Variants in FADS3 observed in about 807,000 individuals in gnomAD.
FADS3 encodes the protein cytochrome b5-related protein.
A neutral mutation model predicts 60.4 loss-of-function variants in FADS3; 30 were observed. That is an observed-to-expected ratio of 0.50 (90% CI 0.37 to 0.67). FADS3 has a LOEUF of 0.67. Ranked by LOEUF, FADS3 falls within the 30% of genes least tolerant of loss-of-function variation. The pLI is 0.00. For missense variants in FADS3, 432 were observed against 598.3 expected (o/e 0.72, Z 2.90); for synonymous variants, 234 against 249.3 (o/e 0.94, Z 0.58).
At position 61,873,856 on chromosome 11, in the gene FADS3, C is replaced by A; in HGVS notation, c.1296G>T (p.Lys432Asn). 1.3e-6 allele frequency: 2 copies of A among 1,592,636 alleles called. No individual in the cohort carries two copies. Among genetic ancestry groups the A allele is most frequent in the East Asian group, 2.3e-5 (1 of 43,946 alleles). The change falls in exon 12 of 12, where the codon AAG becomes AAT. Residue 432 changes from lysine (K) to asparagine (N), a missense_variant. Around this residue, in one of 5 missense-constraint regions of FADS3, gnomAD observed 63 missense variants for 64.5 expected, o/e 0.98. Coordinates refer to ENST00000278829, the MANE Select transcript of FADS3 (RefSeq NM_021727.5). ...CGTCCAGCCAGATGTCACCAGACTTCTTCAGGGACCTGGGAGGTGGGGGTG... is the reference window on the plus strand; with the variant it reads ...CGTCCAGCCAGATGTCACCAGACTTATTCAGGGACCTGGGAGGTGGGGGTG... ...TALVDIVRSL[K>N]KSGDIWLDAY...
At chr11:61,873,889 G>T in intron 11 of FADS3, 24 bp from the exon 12 acceptor site, 1 of 1,549,212 alleles carries the variant, frequency 6.5e-7, no homozygotes, top group Non-Finnish European at 8.9e-7. Flanking sequence ...GTGGCAGTGG[G>T]GGTGGGTGTT....
At chr11:61,884,321 C>T (rs1409787504) in intron 1 of FADS3, among the ~76,000 whole-genome samples, 1 of 151,920 alleles carries the variant, frequency 6.6e-6, no homozygotes, top group Non-Finnish European at 1.5e-5. Context: ...GGGTGAGGGG[C>T]AAGGGGAGGG....
Position 61,877,363 on chromosome 11 carries a change from G to C in FADS3, c.885+148C>G. The C allele has an allele frequency of 1.4e-6, 1 of 711,676 alleles. No individual in the cohort carries two copies. Among genetic ancestry groups the C allele is most frequent in the South Asian group, 1.7e-5 (1 of 59,190 alleles). 44.1% of individuals were successfully genotyped at this position (711,676 alleles called of 1,614,324 possible). ...GCTCTCCTGCTGCGCGCACACATGT[G>C]AGCCACACTGTTGCACGCATACATG... On this transcript the variant is annotated intron_variant, in intron 7 of 11. Transcript: ENST00000278829. The surrounding 1 kb of genome is among the most constrained non-coding windows in gnomAD (Gnocchi z 4.7).
intron 1 of FADS3, chr11:61,880,832 C>A (rs549521350): frequency 6.6e-6 from 1 of 152,212 alleles, no homozygotes; most frequent in South Asian, 2.1e-4. Flanking sequence ...TCATTGCAAC[C>A]TCTACCTCCT....
In FADS3 at chr11:61,876,172, C is replaced by T. The variant is rs1035734117; in HGVS notation, c.1099G>A (p.Val367Met). 20 of 1,604,188 alleles carry T rather than the reference C, an allele frequency of 1.2e-5. No homozygotes were observed. Among genetic ancestry groups the T allele is most frequent in the East Asian group, 2.2e-5 (1 of 44,462 alleles). ...CAGTTGGTGAAAAGTGAGGGCTCCA[C>T]GTTGCAGGTGGCTGCCAGCTGCCGG... is the stretch of plus-strand genomic sequence containing the variant. Reference protein sequence around the residue: ...VSSQLAATCNVEPSLFTNWFS... With the variant: ...VSSQLAATCNMEPSLFTNWFS... The change falls in exon 10 of 12, where the codon GTG becomes ATG. Residue 367 changes from valine (V) to methionine (M), a missense_variant. By Grantham distance (21) the Val-to-Met change is conservative. Transcript: ENST00000278829. This position sits in a 1 kb window ranked among gnomAD's most constrained non-coding sequence, Gnocchi z 5.7.
Position 61,879,491 on chromosome 11 carries a change from A to G in FADS3, c.343T>C (p.Phe115Leu). The change falls in exon 3 of 12, where the codon TTC (phenylalanine) becomes CTC (leucine). Residue 115 changes from phenylalanine (F) to leucine (L), a missense_variant. Transcript: ENST00000278829. ...TCGGCTGCCTGGTGCAGGGCTCGGA[A>G]GTCCTCGACCAGCTGCGCCTGCCAT... ...GPLNAQLVED[F>L]RALHQAAEDM... The G allele has an allele frequency of 6.3e-7, 1 of 1,589,894 alleles. No homozygotes were observed. Among genetic ancestry groups the G allele is most frequent in the Non-Finnish European group, 8.5e-7 (1 of 1,170,704 alleles).
rs1938352098 is a variant in FADS3 at position 61,887,349 on chromosome 11, G to T, written c.213+3820C>A. The stretch of plus-strand genomic sequence containing the variant: ...CTACCTCTTCTGAGTGGCCTCCCTT[G>T]GGGGAGGGCAGGTCTCCATCCTCCC... On this transcript the variant is annotated intron_variant, in intron 1 of 11. Transcript: ENST00000278829. Among the ~76,000 whole-genome samples the T allele has an allele frequency of 3.3e-5, 5 of 152,242 alleles. No homozygotes were observed. In the South Asian group the frequency reaches 8.3e-4, roughly 25 times the overall value.
chr11:61,874,415 G>A (rs1318119077), intron 11 of FADS3, among the ~76,000 whole-genome samples: 2 of 152,214 alleles, frequency 1.3e-5, no homozygotes, highest in Non-Finnish European at 2.9e-5. Context: ...AAGGGGAACA[G>A]CGTGTACAAA....
In FADS3 at chr11:61,877,121, G is replaced by A; in HGVS notation, c.886-158C>T. ...CACCCTCTCTGGTTTTCTCAGCTGA[G>A]TAAAGGAACAGGGTCCTTGCCCTGC... On this transcript the variant is annotated intron_variant, in intron 7 of 11. Transcript: ENST00000278829. The surrounding 1 kb of genome is among the most constrained non-coding windows in gnomAD (Gnocchi z 4.7). 1 of 586,658 alleles carries A rather than the reference G, an allele frequency of 1.7e-6. No homozygotes were observed. The highest frequency in any genetic ancestry group is 3.0e-6 in the Non-Finnish European group (1 of 331,070). The allele number at this position is 586,658 out of a possible 1,614,324, so 36.3% of individuals were successfully genotyped here.
At position 61,878,522 on chromosome 11, in the gene FADS3, G is replaced by A. The variant is rs759655325; in HGVS notation, c.737C>T (p.Ser246Leu). The A allele has an allele frequency of 1.2e-6, 2 of 1,614,028 alleles. No individual in the cohort carries two copies. Among genetic ancestry groups the A allele is most frequent in the Admixed American group, 3.3e-5 (2 of 60,018 alleles). Residue 246 changes from serine (S) to leucine (L), a missense_variant, in exon 5 of 12, where the codon TCA becomes TTA. By Grantham distance (145) the Ser-to-Leu change is moderately radical. Transcript: ENST00000278829. ...TVAPVFLLGESSVEYGKKKRR... is the reference protein window; with the variant it reads ...TVAPVFLLGELSVEYGKKKRR... ...TCCCTCCCCACCCACCTCGACGGAT[G>A]ACTCCCCCAGGAGGAAGACGGGCGC...
rs1938032762 is a variant in FADS3 at position 61,879,327 on chromosome 11, G to A, written c.507C>T (p.Ile169=). Residue 169 remains isoleucine, a synonymous_variant, in exon 3 of 12, where the codon ATC becomes ATT. Coordinates refer to ENST00000278829, the MANE Select transcript of FADS3 (RefSeq NM_021727.5). ...CTGGGGTCACCTGAGAGATGGCCAG[G>A]ATGAAGGCGGCCAGGGCACTGGGCA... ...GWVPSALAAF[I]LAISQAQSWC... 3.9e-6 allele frequency: 6 copies of A among 1,553,766 alleles called. No individual in the cohort carries two copies. Among genetic ancestry groups the A allele is most frequent in the African/African-American group, 1.4e-5 (1 of 73,344 alleles).
At chr11:61,875,379 GTTTTTTTTTTTT>G (rs58200660) in intron 11 of FADS3, among the ~76,000 whole-genome samples, 2 of 128,494 alleles carry the variant, frequency 1.6e-5, no homozygotes, top group South Asian at 2.4e-4. Flanking sequence ...GCTAATTTTT[GTTTTTTTTTTTT>G]TTTTTTTTTT....
intron 1 of FADS3, among the ~76,000 whole-genome samples, chr11:61,887,210 G>A (rs1938347047): frequency 6.6e-6 from 1 of 152,264 alleles, no homozygotes; most frequent in Non-Finnish European, 1.5e-5. Flanking sequence ...AGCGAGGCCA[G>A]GCTGGCTCCC....
chr11:61,886,983 G>A (rs1938340093), intron 1 of FADS3, among the ~76,000 whole-genome samples: 1 of 152,216 alleles, frequency 6.6e-6, no homozygotes, highest in Admixed American at 6.5e-5. Flanking sequence ...AGCCGAAAGG[G>A]CACCAGGGGC....
In FADS3 at chr11:61,878,514, C is replaced by T. The variant is rs1243876025; in HGVS notation, c.745G>A (p.Glu249Lys). The T allele has an allele frequency of 2.5e-6, 4 of 1,613,668 alleles. No homozygotes were observed. Among genetic ancestry groups the T allele is most frequent in the Non-Finnish European group, 2.5e-6 (3 of 1,179,748 alleles). The change falls in exon 5 of 12, where the codon GAG (glutamate) becomes AAG (lysine). Residue 249 changes from glutamate to lysine, a missense_variant and splice_region_variant. Transcript: ENST00000278829. ...PVFLLGESSVEYGKKKRRYLP... is the reference protein window; with the variant it reads ...PVFLLGESSVKYGKKKRRYLP... ...TGTCCACGTCCCTCCCCACCCACCT[C>T]GACGGATGACTCCCCCAGGAGGAAG...
intron 1 of FADS3, among the ~76,000 whole-genome samples, chr11:61,883,961 G>A: frequency 6.6e-6 from 1 of 152,244 alleles, no homozygotes. Flanking sequence ...CTGGGAAGCA[G>A]GCTGGGCTCT....
chr11:61,890,736 C>A (rs1938475348), intron 1 of FADS3, among the ~76,000 whole-genome samples: 1 of 152,070 alleles, frequency 6.6e-6, no homozygotes, highest in African/African-American at 2.4e-5. Context: ...AAGCCACAGA[C>A]CTCAGGCCGG....
intron 11 of FADS3, among the ~76,000 whole-genome samples, chr11:61,874,555 C>G (rs1041716009): frequency 3.9e-5 from 6 of 152,248 alleles, no homozygotes; most frequent in Non-Finnish European, 8.8e-5. Flanking sequence ...ACTTCGACTC[C>G]TGCCCGCCAG....
At chr11:61,878,327 G>A in intron 5 of FADS3, 112 bp from the exon 6 acceptor site, 8 of 1,377,414 alleles carry the variant, frequency 5.8e-6, no homozygotes, top group Non-Finnish European at 8.2e-6. Context: ...CTAGATTCTA[G>A]CAAGCGGGCT....
Sources: allele counts gnomAD v4.1 joint callset (sites outside exome capture counted in the v4.1 genomes callset), GRCh38; gene constraint gnomAD v4.1.1; regional missense constraint gnomAD v4.1.1; non-coding constraint Gnocchi (gnomAD v3.1); transcripts MANE v1.5; gene names NCBI Gene and HGNC (gene_info 2026-07-23, HGNC 2026-07-21).